The following CPNE8 variants were observed in gnomAD, a reference collection of about 807,000 sequenced individuals.
CPNE8 encodes copine-8.
Under a neutral mutation model 81.5 loss-of-function variants are expected in CPNE8, and 45 were observed. The observed-to-expected ratio is 0.55, with a 90% CI of 0.44 to 0.71. The LOEUF is 0.71. Among genes scored for constraint, CPNE8 ranks in the 30% least tolerant of loss-of-function variants. The pLI, the probability that CPNE8 is intolerant of heterozygous loss-of-function variation, is 0.00. For synonymous variants in CPNE8, 252 were observed against 226.3 expected, an observed-to-expected ratio of 1.11 and a Z score of -1.02; for missense variants, 594 against 672.1, an observed-to-expected ratio of 0.88 and a Z score of 1.28.
chr12:38,827,322 C>A (rs540526976), intron 6 of CPNE8, among the ~76,000 whole-genome samples: 1 of 152,122 alleles, frequency 6.6e-6, no homozygotes, highest in South Asian at 2.1e-4. Flanking sequence ...CAAAAAATAA[C>A]AGATGCTGGT....
chr12:38,709,015 A>G (rs1225836278), intron 13 of CPNE8, among the ~76,000 whole-genome samples: 1 of 152,232 alleles, frequency 6.6e-6, no homozygotes, highest in Non-Finnish European at 1.5e-5. Context: ...AAACAGATTC[A>G]CATCCACTAG....
chr12:38,830,314 T>TA (rs1943264819), intron 5 of CPNE8, among the ~76,000 whole-genome samples: 2 of 152,150 alleles, frequency 1.3e-5, no homozygotes, highest in South Asian at 4.1e-4. Flanking sequence ...TAATTTAATT[T>TA]AAAAAATAGA....
chr12:38,810,365 A>C (rs1248251474), intron 6 of CPNE8, among the ~76,000 whole-genome samples: 2 of 152,156 alleles, frequency 1.3e-5, no homozygotes, highest in Non-Finnish European at 2.9e-5. Context: ...TGTGCAACTG[A>C]ATATTCTAAT....
At chr12:38,879,451 A>ATTT (rs1238396101) in intron 1 of CPNE8, among the ~76,000 whole-genome samples, 1 of 152,118 alleles carries the variant, frequency 6.6e-6, no homozygotes, top group Non-Finnish European at 1.5e-5. Context: ...CTGCAATATT[A>ATTT]TTTTTAAAAA....
At chr12:38,677,612 TA>T (rs1411208019) in intron 16 of CPNE8, 58 bp from the exon 17 acceptor site, 1 of 930,206 alleles carries the variant, frequency 1.1e-6, no homozygotes, top group Non-Finnish European at 1.7e-6. Context: ...TGATGGTTGG[TA>T]AATACAATTT....
chr12:38,875,616 T>C (rs1205549097), intron 1 of CPNE8, among the ~76,000 whole-genome samples: 1 of 152,210 alleles, frequency 6.6e-6, no homozygotes, highest in Non-Finnish European at 1.5e-5. Context: ...CATCCTTTCT[T>C]ATTTCAGGTT....
intron 12 of CPNE8, 152 bp downstream of exon 12, chr12:38,724,694 T>C (rs964734934): frequency 2.1e-5 from 11 of 531,776 alleles, no homozygotes; most frequent in East Asian, 3.5e-5. Context: ...CCCTGAGAAG[T>C]TGATTTTTCT....
At chr12:38,716,982 T>C (rs932677192) in intron 13 of CPNE8, among the ~76,000 whole-genome samples, 1 of 151,906 alleles carries the variant, frequency 6.6e-6, no homozygotes, top group South Asian at 2.1e-4. Flanking sequence ...AGGAAGGACA[T>C]GAATACACTG....
At chr12:38,807,542 T>C (rs1942838225) in intron 6 of CPNE8, among the ~76,000 whole-genome samples, 1 of 150,348 alleles carries the variant, frequency 6.7e-6, no homozygotes, top group East Asian at 1.9e-4. Context: ...GAAAACTGGC[T>C]AGCCATATGT....
At chr12:38,697,918 T>A (rs902934815) in intron 14 of CPNE8, among the ~76,000 whole-genome samples, 2 of 152,184 alleles carry the variant, frequency 1.3e-5, no homozygotes, top group African/African-American at 4.8e-5. Flanking sequence ...GCTGGTGCCA[T>A]GCTTATACAG....
chr12:38,901,360 G>C (rs1944459603), intron 1 of CPNE8, among the ~76,000 whole-genome samples: 1 of 152,126 alleles, frequency 6.6e-6, no homozygotes, highest in Admixed American at 6.5e-5. Context: ...TTCTCAATCA[G>C]AGAAAATGAT....
chr12:38,799,822 G>A (rs563853750), intron 6 of CPNE8, among the ~76,000 whole-genome samples: 2 of 148,198 alleles, frequency 1.3e-5, no homozygotes, highest in African/African-American at 4.9e-5. Context: ...AGCCGAAGCA[G>A]GGCGAGGCAT....
intron 6 of CPNE8, among the ~76,000 whole-genome samples, chr12:38,790,125 T>C (rs1301953101): frequency 2.0e-5 from 3 of 151,646 alleles, no homozygotes; most frequent in African/African-American, 2.4e-5. Context: ...AAAAAAGAAA[T>C]GAAATCAGTA....
intron 6 of CPNE8, among the ~76,000 whole-genome samples, chr12:38,787,388 AT>A (rs1196657173): frequency 4.0e-5 from 6 of 151,784 alleles, no homozygotes; most frequent in African/African-American, 1.2e-4. Flanking sequence ...AAAATTGAAA[AT>A]TTTTCTTGAA....
In CPNE8 at chr12:38,904,460, G is replaced by GT. The variant is rs200928843; in HGVS notation, c.98+976dup. ...AGTCTCTGGACAGGGTTGAAAGTCA[G>GT]TTTTTTTTTGTTTTTTTTTTTTTTT... On this transcript the variant is annotated intron_variant, in intron 1 of 19. Transcript: ENST00000331366. 5.5e-3 allele frequency among the ~76,000 whole-genome samples: 712 copies of GT among 130,388 alleles called. 6 individuals are homozygous for GT. The highest frequency in any genetic ancestry group is 0.013 in the African/African-American group (444 of 33,978). 85.5% of individuals were successfully genotyped at this position (130,388 alleles called of 152,430 possible). A position where few individuals can be genotyped will look rare whatever the true frequency, so the allele number is the denominator to read the frequency against.
intron 10 of CPNE8, among the ~76,000 whole-genome samples, chr12:38,758,147 A>ACTCTCTCTCTCT (rs34541514): frequency 1.3e-5 from 2 of 149,112 alleles, no homozygotes; most frequent in African/African-American, 4.9e-5. Flanking sequence ...CTGTGAACAA[A>ACTCTCTCTCTCT]CTCTCTCTCT....
chr12:38,763,374 G>C (rs1463083347), intron 8 of CPNE8, among the ~76,000 whole-genome samples: 1 of 152,236 alleles, frequency 6.6e-6, no homozygotes, highest in African/African-American at 2.4e-5. Flanking sequence ...TGAGACATAA[G>C]TGATAAAGTG....
intron 19 of CPNE8, among the ~76,000 whole-genome samples, chr12:38,663,795 T>TA (rs1276599961): frequency 1.3e-5 from 2 of 152,050 alleles, no homozygotes; most frequent in South Asian, 2.1e-4. Context: ...TATTTCGCCA[T>TA]AAAAAATGAA....
At chr12:38,893,479 A>G (rs1184387891) in intron 1 of CPNE8, among the ~76,000 whole-genome samples, 1 of 132,884 alleles carries the variant, frequency 7.5e-6, no homozygotes, top group Admixed American at 7.7e-5. Context: ...CTATGTTCTA[A>G]AAAGGGGAGG....
Sources: gnomAD v4.1 joint callset for allele counts (sites outside exome capture counted in the v4.1 genomes callset) on GRCh38, gnomAD v4.1.1 for gene constraint, MANE v1.5 for transcripts, NCBI Gene and HGNC (gene_info 2026-07-23, HGNC 2026-07-21) for gene names.